The following ARID1B variants were observed in gnomAD, a reference collection of about 807,000 sequenced individuals.
The protein encoded by ARID1B is AT-rich interactive domain-containing protein 1B.
ARID1B carries 30 observed loss-of-function variants against 212.3 expected under a neutral mutation model. The observed-to-expected ratio is 0.14, with a 90% CI of 0.11 to 0.19. The LOEUF (loss-of-function observed/expected upper bound fraction) is 0.19. ARID1B is among the 10% of genes least tolerant of loss of function. The probability of loss-of-function intolerance (pLI) is 1.00; values close to 1 mark genes in which losing one functional copy is unlikely to be tolerated. For synonymous variants in ARID1B, 1,402 were observed against 1,301.7 expected (o/e 1.08, Z -1.66); for missense variants, 2,891 against 3,204.0 (o/e 0.90, Z 2.36).
chr6:157,044,957 CATAACAGCCATTTAT>C (rs777237581), intron 4 of ARID1B, among the ~76,000 whole-genome samples: 1 of 152,034 alleles, frequency 6.6e-6, no homozygotes, highest in Non-Finnish European at 1.5e-5. Flanking sequence ...CAGTTTTTAG[CATAACAGCCATTTAT>C]ATAATATATA....
intron 4 of ARID1B, among the ~76,000 whole-genome samples, chr6:157,062,206 T>TG (rs1478964308): frequency 2.0e-5 from 3 of 148,964 alleles, no homozygotes; most frequent in African/African-American, 7.4e-5. Flanking sequence ...GTTTTGTTGT[T>TG]TTTTTTTTTT....
chr6:157,183,020 C>A (rs551647117), intron 12 of ARID1B, among the ~76,000 whole-genome samples: 30 of 152,148 alleles, frequency 2.0e-4, no homozygotes, highest in Admixed American at 6.5e-4. Flanking sequence ...TATAACCAGG[C>A]TGGGTCTGTC....
intron 5 of ARID1B, among the ~76,000 whole-genome samples, chr6:157,092,268 G>A (rs572928617): frequency 7.2e-5 from 11 of 152,324 alleles, no homozygotes; most frequent in Non-Finnish European, 1.2e-4. Context: ...TTTGAGAGAC[G>A]GGGTTGCATC....
At chr6:156,903,757 C>T (rs1354483419) in intron 3 of ARID1B, among the ~76,000 whole-genome samples, 1 of 152,168 alleles carries the variant, frequency 6.6e-6, no homozygotes, top group African/African-American at 2.4e-5. Context: ...AGAAGCTCAA[C>T]CATATTTAAC....
intron 4 of ARID1B, among the ~76,000 whole-genome samples, chr6:156,972,399 T>C (rs1322667470): frequency 6.6e-6 from 1 of 152,210 alleles, no homozygotes; most frequent in African/African-American, 2.4e-5. Context: ...AGCTGTCCAC[T>C]TTATCCCTTC....
At chr6:157,129,724 A>G (rs898265279) in intron 6 of ARID1B, among the ~76,000 whole-genome samples, 5 of 152,192 alleles carry the variant, frequency 3.3e-5, no homozygotes, top group Admixed American at 2.6e-4. Flanking sequence ...GCCAGTGACA[A>G]TTGAGATAGT....
chr6:156,954,597 G>A (rs964756023), intron 4 of ARID1B, among the ~76,000 whole-genome samples: 2 of 152,034 alleles, frequency 1.3e-5, no homozygotes, highest in African/African-American at 2.4e-5. Flanking sequence ...ACTTTATGAG[G>A]TATTTTATTT....
intron 5 of ARID1B, among the ~76,000 whole-genome samples, chr6:157,109,237 C>T (rs34745726): frequency 0.048 from 7,306 of 152,136 alleles, 247 homozygotes; most frequent in East Asian, 0.16. Flanking sequence ...TGAATGTGCC[C>T]TGACCTTCAC....
intron 1 of ARID1B, among the ~76,000 whole-genome samples, chr6:156,804,344 A>AT (rs1781000493): frequency 6.6e-6 from 1 of 151,778 alleles, no homozygotes; most frequent in African/African-American, 2.4e-5. Context: ...TCAAAAAAAA[A>AT]GCAAAAAAAA....
At chr6:157,104,609 A>C (rs1014407191) in intron 5 of ARID1B, among the ~76,000 whole-genome samples, 1 of 152,262 alleles carries the variant, frequency 6.6e-6, no homozygotes, top group Non-Finnish European at 1.5e-5. Context: ...AACAATAAAC[A>C]GTTAAAAGAC....
intron 5 of ARID1B, among the ~76,000 whole-genome samples, chr6:157,105,529 A>G (rs1583314508): frequency 1.3e-5 from 2 of 152,344 alleles, no homozygotes; most frequent in East Asian, 3.9e-4. Flanking sequence ...ATTCACAAGG[A>G]AAGATATTAA....
chr6:156,934,961 T>TATATATATATATAA (rs1235681331), intron 3 of ARID1B, among the ~76,000 whole-genome samples: 1 of 90,462 alleles, frequency 1.1e-5, no homozygotes, highest in African/African-American at 4.4e-5. Context: ...TATATATATA[T>TATATATATATATAA]AGTTTATATT....
chr6:157,116,679 G>A (rs1787341308), intron 6 of ARID1B, among the ~76,000 whole-genome samples: 1 of 151,922 alleles, frequency 6.6e-6, no homozygotes, highest in African/African-American at 2.4e-5. Flanking sequence ...GTTGCTGGAG[G>A]CAGTTCTCTG....
At chr6:157,024,284 A>G (rs1007123156) in intron 4 of ARID1B, 1 of 152,372 alleles carries the variant, frequency 6.6e-6, no homozygotes. Flanking sequence ...AAAACATAAC[A>G]TAAATGAATC....
rs1778857696 is a variant in ARID1B at position 156,778,505 on chromosome 6, G to T, written c.825G>T (p.Met275Ile). 1 of 1,245,306 alleles carries T rather than the reference G, an allele frequency of 8.0e-7. No homozygotes were observed. The highest frequency in any genetic ancestry group is 1.0e-6 in the Non-Finnish European group (1 of 998,676). 77.1% of individuals were successfully genotyped at this position (1,245,306 alleles called of 1,614,324 possible). Residue 275 changes from methionine (M) to isoleucine (I), a missense_variant, in exon 1 of 20, where the codon ATG becomes ATT. By Grantham distance (10) the Met-to-Ile change is conservative. This residue lies in a region of ARID1B where 1,643 missense variants were observed against 1,544.0 expected (regional missense o/e 1.06). Coordinates refer to ENST00000636930, the MANE Select transcript of ARID1B (RefSeq NM_001374828.1). ...PGDEDDAPPK[M>I]GEPAGGRYEH... The stretch of plus-strand genomic sequence containing the variant: ...ACGAGGACGACGCGCCGCCCAAGAT[G>T]GGGGAGCCGGCGGGCGGCCGCTACG...
At chr6:156,948,397 G>C (rs1205222623) in intron 4 of ARID1B, among the ~76,000 whole-genome samples, 1 of 152,054 alleles carries the variant, frequency 6.6e-6, no homozygotes, top group Non-Finnish European at 1.5e-5. Flanking sequence ...ATTTCTTATA[G>C]AGATGGGGGG....
rs1583198642 is a variant in ARID1B, at chr6:157,039,880, T to C, written c.2248-44782T>C. Among the ~76,000 whole-genome samples the C allele has an allele frequency of 4.5e-5, 5 of 110,096 alleles. 1 individual carries two copies. Among genetic ancestry groups the C allele is most frequent in the East Asian group, 3.1e-4 (1 of 3,266 alleles). 72.2% of individuals were successfully genotyped at this position (110,096 alleles called of 152,430 possible). On this transcript the variant is annotated intron_variant, in intron 4 of 19. Transcript: ENST00000636930. ...TCTTTCTCTCTCTTTCTCTTTCTTT[T>C]CTCTTCCTTCCTTCCTTCCTTCCTT...
At chr6:157,023,005 T>A (rs1042321926) in intron 4 of ARID1B, 8 of 152,222 alleles carry the variant, frequency 5.3e-5, no homozygotes, top group African/African-American at 1.9e-4. Context: ...CATAGAAATT[T>A]TCATGTAGCA....
chr6:156,799,942 T>C (rs927452692), intron 1 of ARID1B, among the ~76,000 whole-genome samples: 1 of 152,182 alleles, frequency 6.6e-6, no homozygotes, highest in African/African-American at 2.4e-5. Context: ...GTTTTCTTGT[T>C]TTCGGGGTCC....
Sources: gnomAD v4.1 joint callset for allele counts (sites outside exome capture counted in the v4.1 genomes callset) on GRCh38, gnomAD v4.1.1 for gene constraint, gnomAD v4.1.1 regional missense constraint, MANE v1.5 for transcripts, NCBI Gene and HGNC (gene_info 2026-07-23, HGNC 2026-07-21) for gene names.